Variants in CEP128 observed in about 807,000 individuals in gnomAD.
CEP128 encodes the protein centrosomal protein 128, also known as centrosomal protein 128kDa.
Under a neutral mutation model 156.7 loss-of-function variants are expected in CEP128, and 132 were observed. The ratio of observed to expected loss-of-function variants is 0.84; its 90% CI spans 0.73 to 0.97. CEP128 has a LOEUF of 0.97. CEP128 is among the 50% of genes least tolerant of loss of function. CEP128 has a pLI of 0.00. For synonymous variants in CEP128, 469 were observed against 448.9 expected (o/e 1.04, Z -0.57); for missense variants, 1,252 against 1,281.9 (o/e 0.98, Z 0.36).
intron 21 of CEP128, among the ~76,000 whole-genome samples, chr14:80,556,563 A>C (rs1890445948): frequency 1.3e-5 from 2 of 152,172 alleles, no homozygotes; most frequent in Non-Finnish European, 2.9e-5. Flanking sequence ...CTGTGACCTA[A>C]GCAGATAGAT....
intron 23 of CEP128, among the ~76,000 whole-genome samples, chr14:80,519,698 C>G (rs767282736): frequency 6.6e-6 from 1 of 152,136 alleles, no homozygotes; most frequent in Non-Finnish European, 1.5e-5. Context: ...TCCATGTCTC[C>G]ATCTGTGTGG....
intron 16 of CEP128, among the ~76,000 whole-genome samples, chr14:80,762,349 T>C (rs1367430531): frequency 6.6e-6 from 1 of 152,132 alleles, no homozygotes; most frequent in Non-Finnish European, 1.5e-5. Context: ...TAGAATTGTA[T>C]GTCTAAATGG....
At chr14:80,503,800 T>G (rs1887846190) in intron 24 of CEP128, among the ~76,000 whole-genome samples, 1 of 152,146 alleles carries the variant, frequency 6.6e-6, no homozygotes, top group Admixed American at 6.5e-5. Context: ...AGATACAAAA[T>G]CACTTGGGAA....
intron 2 of CEP128, among the ~76,000 whole-genome samples, chr14:80,921,781 C>T (rs1373373548): frequency 5.9e-5 from 9 of 151,964 alleles, no homozygotes; most frequent in Non-Finnish European, 1.3e-4. Flanking sequence ...CTGGACAACA[C>T]GGTGAAACCC....
intron 8 of CEP128, among the ~76,000 whole-genome samples, chr14:80,868,699 A>G (rs866274036): frequency 2.5e-4 from 38 of 152,100 alleles, no homozygotes; most frequent in Admixed American, 6.5e-5. Flanking sequence ...CAAAAGACAT[A>G]GAGTAGCTAC....
In CEP128 at chr14:80,613,820, G is replaced by A. The variant is rs187904519; in HGVS notation, c.2807-33397C>T. 1.7e-3 allele frequency among the ~76,000 whole-genome samples: 266 copies of A among 152,154 alleles called. 1 individual carries two copies. The highest frequency in any genetic ancestry group is 2.9e-3 in the Non-Finnish European group (198 of 67,996). ...AGATAAGACTAGAGTGAAACAAGGG[G>A]CAGAAGACAGCAAATAGGGCTTTCA... is the stretch of plus-strand genomic sequence containing the variant. On this transcript the variant is annotated intron_variant, in intron 19 of 24. Coordinates refer to ENST00000555265, the MANE Select transcript of CEP128 (RefSeq NM_152446.5).
At chr14:80,563,595 A>G (rs61981683) in intron 20 of CEP128, among the ~76,000 whole-genome samples, 1,808 of 125,990 alleles carry the variant, frequency 0.014, 19 homozygotes, top group Middle Eastern at 0.028. Flanking sequence ...GTGCAGTGGC[A>G]CAATCTCGGC....
intron 19 of CEP128, among the ~76,000 whole-genome samples, chr14:80,599,768 C>G (rs1199131866): frequency 2.0e-5 from 3 of 151,986 alleles, no homozygotes; most frequent in African/African-American, 7.2e-5. Flanking sequence ...TAAAGGAAAT[C>G]ATACCCAAAG....
In CEP128 at chr14:80,836,190, C is replaced by G. The variant is rs745648801; in HGVS notation, c.1057+15G>C. 4 of 1,612,658 alleles carry G rather than the reference C, an allele frequency of 2.5e-6. No homozygotes were observed. The highest frequency in any genetic ancestry group is 1.7e-5 in the Admixed American group (1 of 59,936). ...ACACACATTATCACATTATTAGGTA[C>G]AAATCTACTTTTACCTCTCCTAAAT... is the stretch of plus-strand genomic sequence containing the variant. On this transcript the variant is annotated intron_variant, in intron 12 of 24. Transcript: ENST00000555265.
intron 8 of CEP128, among the ~76,000 whole-genome samples, chr14:80,868,804 A>T (rs1319391915): frequency 2.0e-5 from 3 of 152,058 alleles, no homozygotes; most frequent in African/African-American, 7.2e-5. Context: ...AAGGGATGGA[A>T]AAAGGTATTC....
chr14:80,710,212 G>A (rs1314073767), intron 19 of CEP128, among the ~76,000 whole-genome samples: 1 of 152,014 alleles, frequency 6.6e-6, no homozygotes, highest in Non-Finnish European at 1.5e-5. Flanking sequence ...GTTTAGAACA[G>A]AGGCCAGTTA....
intron 19 of CEP128, among the ~76,000 whole-genome samples, chr14:80,700,520 T>C (rs967575531): frequency 1.3e-4 from 20 of 150,556 alleles, no homozygotes; most frequent in African/African-American, 4.8e-4. Flanking sequence ...ACGTTATTCA[T>C]TGACCCCCCC....
intron 22 of CEP128, among the ~76,000 whole-genome samples, chr14:80,529,464 G>C (rs1327639839): frequency 1.3e-5 from 2 of 152,218 alleles, no homozygotes; most frequent in Admixed American, 1.3e-4. Flanking sequence ...CTTTTAAATT[G>C]TACTTATGAA....
intron 10 of CEP128, among the ~76,000 whole-genome samples, chr14:80,840,137 C>T (rs1033511449): frequency 2.0e-5 from 3 of 152,136 alleles, no homozygotes; most frequent in African/African-American, 7.2e-5. Flanking sequence ...TGAGCTCATC[C>T]TTAAATCTAC....
chr14:80,805,642 A>G (rs1884132709), intron 13 of CEP128, among the ~76,000 whole-genome samples: 1 of 152,220 alleles, frequency 6.6e-6, no homozygotes, highest in African/African-American at 2.4e-5. Flanking sequence ...AATTAGTTTG[A>G]CATATGCTTG....
intron 16 of CEP128, among the ~76,000 whole-genome samples, chr14:80,777,025 C>T (rs578192794): frequency 1.3e-5 from 2 of 152,232 alleles, no homozygotes; most frequent in South Asian, 2.1e-4. Context: ...AAAGTTACAA[C>T]CTTCTTACCA....
Position 80,830,461 on chromosome 14 carries a change from T to G in CEP128, c.1209+682A>C, listed in dbSNP as rs1595468649. ...ACAGGGAGGATTGATACATATCTAT[T>G]TCCAAATGTGTCATCCATGTTTAAT... On this transcript the variant is annotated intron_variant, in intron 13 of 24. Transcript: ENST00000555265. The G allele has an allele frequency of 5.7e-6, 2 of 348,350 alleles. 1 individual carries two copies. The highest frequency in any genetic ancestry group is 1.0e-5 in the Non-Finnish European group (2 of 193,072). The allele number at this position is 348,350 out of a possible 1,614,324, so 21.6% of individuals were successfully genotyped here. A position where few individuals can be genotyped will look rare whatever the true frequency, so the allele number is the denominator to read the frequency against.
intron 19 of CEP128, among the ~76,000 whole-genome samples, chr14:80,701,290 G>A (rs923658595): frequency 7.9e-5 from 12 of 152,102 alleles, no homozygotes; most frequent in South Asian, 2.1e-4. Flanking sequence ...AGAGGCTGCC[G>A]TAACTGCTGT....
In CEP128 at chr14:80,793,114, C is replaced by T. The variant is rs143152152; in HGVS notation, c.1210-4G>A. ...TCTCCAGTTCACGTGTTAAATTCTA[C>T]GAATAAAGCATGCAAAACATTAGGA... is the stretch of plus-strand genomic sequence containing the variant. On this transcript the variant is annotated splice_polypyrimidine_tract_variant and splice_region_variant and intron_variant, in intron 13 of 24. Coordinates refer to ENST00000555265, the MANE Select transcript of CEP128 (RefSeq NM_152446.5). 597 of 1,602,970 alleles carry T rather than the reference C, an allele frequency of 3.7e-4. 1 individual carries two copies. The African/African-American group carries it at 5.7e-3, about 15-fold the overall frequency.
Sources: allele counts gnomAD v4.1 joint callset (sites outside exome capture counted in the v4.1 genomes callset), GRCh38; gene constraint gnomAD v4.1.1; transcripts MANE v1.5; gene names NCBI Gene and HGNC (gene_info 2026-07-23, HGNC 2026-07-21).